SLC60A2: variants seen among roughly 807,000 people sequenced by gnomAD.
The protein encoded by SLC60A2 is major facilitator superfamily domain containing 4B.
the SLC60A2 span, chr6:111,278,391 T>G: frequency 1.3e-5 from 2 of 152,212 alleles, no homozygotes; most frequent in Non-Finnish European, 2.9e-5. Flanking sequence ...TAGATGACCC[T>G]ATCATTTTTG....
At chr6:111,268,257 A>G in the SLC60A2 span, 1 of 152,244 alleles carries the variant, frequency 6.6e-6, no homozygotes, top group Non-Finnish European at 1.5e-5. Context: ...CCTGAAGAAT[A>G]TATTTTTTAG....
chr6:111,276,545 T>G, the SLC60A2 span, among the ~76,000 whole-genome samples: 1 of 152,350 alleles, frequency 6.6e-6, no homozygotes, highest in South Asian at 2.1e-4. Context: ...TTATCTCTGC[T>G]TGCAATTTTT....
the SLC60A2 span, among the ~76,000 whole-genome samples, chr6:111,260,535 G>T: frequency 5.3e-5 from 8 of 152,234 alleles, no homozygotes; most frequent in African/African-American, 1.9e-4. Context: ...TGTTTTTCTT[G>T]GAGCAAAGGG....
the SLC60A2 span, chr6:111,268,104 A>C: frequency 6.6e-6 from 1 of 152,240 alleles, no homozygotes; most frequent in African/African-American, 2.4e-5. Context: ...TGTCTGCTAG[A>C]AATTAGTACA....
the SLC60A2 span, among the ~76,000 whole-genome samples, chr6:111,279,175 T>C: frequency 6.6e-6 from 1 of 152,202 alleles, no homozygotes; most frequent in Admixed American, 6.5e-5. Flanking sequence ...CCTCTACTAA[T>C]GACCGTGGTT....
At chr6:111,266,448 A>G in the SLC60A2 span, 2 of 1,614,160 alleles carry the variant, frequency 1.2e-6, no homozygotes, top group South Asian at 1.1e-5. Context: ...ACAGCCTGGA[A>G]CCATGATTGT....
the SLC60A2 span, among the ~76,000 whole-genome samples, chr6:111,260,902 A>G: frequency 2.3e-3 from 344 of 152,340 alleles, 1 homozygote; most frequent in African/African-American, 7.6e-3. Flanking sequence ...ACCTGGGCCC[A>G]TAGTGGTCCG....
the SLC60A2 span, among the ~76,000 whole-genome samples, chr6:111,271,775 T>TAAAAAAAAAAAAA: frequency 7.4e-4 from 14 of 18,850 alleles, 1 homozygote; most frequent in Non-Finnish European, 1.0e-3. Context: ...CCATCTCTAC[T>TAAAAAAAAAAAAA]AAAAAAAAAA....
the SLC60A2 span, chr6:111,268,638 A>G: frequency 4.1e-4 from 62 of 152,220 alleles, no homozygotes; most frequent in Admixed American, 1.6e-3. Context: ...TGCCTACCTC[A>G]GTAACAGAGG....
the SLC60A2 span, among the ~76,000 whole-genome samples, chr6:111,272,626 C>T: frequency 2.6e-5 from 4 of 151,450 alleles, 1 homozygote; most frequent in East Asian, 7.8e-4. Flanking sequence ...ATTCTCATTC[C>T]TCAGCCACCC....
the SLC60A2 span, chr6:111,266,023 CAG>C: frequency 2.3e-5 from 37 of 1,614,052 alleles, no homozygotes; most frequent in African/African-American, 5.3e-5. Flanking sequence ...GAAAACCACA[CAG>C]AGTCTGACTT....
At chr6:111,271,755 T>A in the SLC60A2 span, among the ~76,000 whole-genome samples, 9 of 86,704 alleles carry the variant, frequency 1.0e-4, no homozygotes, top group African/African-American at 4.0e-4. Context: ...CTGGCCAACA[T>A]GGCAAAACCC....
chr6:111,266,591 G>A, the SLC60A2 span: 12 of 1,614,072 alleles, frequency 7.4e-6, no homozygotes, highest in Non-Finnish European at 1.0e-5. Flanking sequence ...GTGTTTCTTG[G>A]ATTGAGCAGT....
At chr6:111,265,352 G>A in the SLC60A2 span, 4 of 984,990 alleles carry the variant, frequency 4.1e-6, 1 homozygote, top group African/African-American at 3.5e-5. Flanking sequence ...GATGCTAAAC[G>A]GTGTCCTTGT....
the SLC60A2 span, chr6:111,259,620 A>G: frequency 6.8e-7 from 1 of 1,466,016 alleles, no homozygotes; most frequent in Non-Finnish European, 9.2e-7. Context: ...CCCGGCGGAG[A>G]ATGAGCCGGA....
the SLC60A2 span, chr6:111,266,821 GAA>G: frequency 6.2e-7 from 1 of 1,613,894 alleles, no homozygotes; most frequent in Non-Finnish European, 8.5e-7. Context: ...AAAGAAGACA[GAA>G]AGAGTGAGGA....
At chr6:111,279,429 T>C in the SLC60A2 span, among the ~76,000 whole-genome samples, 1 of 152,060 alleles carries the variant, frequency 6.6e-6, no homozygotes, top group Non-Finnish European at 1.5e-5. Context: ...TTTGTATTTC[T>C]AGTAGAGACG....
At chr6:111,274,061 G>A in the SLC60A2 span, among the ~76,000 whole-genome samples, 7 of 152,056 alleles carry the variant, frequency 4.6e-5, no homozygotes, top group African/African-American at 1.7e-4. Flanking sequence ...TCACTATGTT[G>A]CGCAGGCTGG....
At chr6:111,278,663 C>G in the SLC60A2 span, 2 of 152,410 alleles carry the variant, frequency 1.3e-5, no homozygotes, top group South Asian at 4.1e-4. Flanking sequence ...ATGTGATTTG[C>G]TGCTCCTTGC....
Sources: gnomAD v4.1 joint callset for allele counts (sites outside exome capture counted in the v4.1 genomes callset) on GRCh38, gnomAD v4.1.1 for gene constraint, MANE v1.5 for transcripts, NCBI Gene and HGNC (gene_info 2026-07-23, HGNC 2026-07-21) for gene names.